HMCN1: variants seen among roughly 807,000 people sequenced by gnomAD.
The protein encoded by HMCN1 is hemicentin 1, also known as hemicentin-1.
Under a neutral mutation model 625.9 loss-of-function variants are expected in HMCN1, and 321 were observed. The ratio of observed to expected loss-of-function variants is 0.51; its 90% CI spans 0.47 to 0.56. The LOEUF (loss-of-function observed/expected upper bound fraction) is 0.56, where lower values mean the gene tolerates loss of function less well. HMCN1 is among the 20% of genes least tolerant of loss of function. The pLI, the probability that HMCN1 is intolerant of heterozygous loss-of-function variation, is 0.00. For missense variants in HMCN1, 6,588 were observed against 6,887.3 expected, an observed-to-expected ratio of 0.96 and a Z score of 1.54; for synonymous variants, 2,425 against 2,417.6, an observed-to-expected ratio of 1.00 and a Z score of -0.09.
At chr1:185,792,835 C>A (rs1329872378) in intron 1 of HMCN1, among the ~76,000 whole-genome samples, 2 of 152,112 alleles carry the variant, frequency 1.3e-5, no homozygotes, top group African/African-American at 2.4e-5. Flanking sequence ...TGTGTTACAG[C>A]AAACTATACC....
intron 40 of HMCN1, among the ~76,000 whole-genome samples, chr1:186,044,596 A>G (rs181618040): frequency 1.1e-3 from 165 of 152,218 alleles, no homozygotes; most frequent in African/African-American, 3.9e-3. Flanking sequence ...TATTTTTACC[A>G]CAAAAATCTT....
chr1:186,189,065 C>A (rs956271027), intron 106 of HMCN1, among the ~76,000 whole-genome samples: 1 of 152,134 alleles, frequency 6.6e-6, no homozygotes, highest in East Asian at 1.9e-4. Flanking sequence ...CCTAATTGAC[C>A]TTTTATTATT....
At chr1:186,057,427 A>G in intron 46 of HMCN1, 26 bp downstream of exon 46, 2 of 1,499,082 alleles carry the variant, frequency 1.3e-6, no homozygotes, top group Non-Finnish European at 1.9e-6. Flanking sequence ...GTAGCCTTAT[A>G]ATCTTGTTAG....
At chr1:185,959,078 A>G (rs1446323368) in intron 11 of HMCN1, among the ~76,000 whole-genome samples, 1 of 152,210 alleles carries the variant, frequency 6.6e-6, no homozygotes, top group East Asian at 1.9e-4. Context: ...ACACACAGAA[A>G]TTTGCCCAAG....
Position 185,734,905 on chromosome 1 carries a change from G to T in HMCN1, c.126G>T (p.Leu42Phe), listed in dbSNP as rs757621363. Residue 42 changes from leucine (L) to phenylalanine (F), a missense_variant, in exon 1 of 107, where the codon TTG (leucine) becomes TTT (phenylalanine). Physicochemically the swap from Leu to Phe is conservative, Grantham distance 22. Around this residue, in one of 3 missense-constraint regions of HMCN1, gnomAD observed 4,628 missense variants for 4,853.1 expected, o/e 0.95. Coordinates refer to ENST00000271588, the MANE Select transcript of HMCN1 (RefSeq NM_031935.3). ...AEEIPEGAST[L>F]AFVFDVTGSM... The stretch of plus-strand genomic sequence containing the variant: ...AAATTCCCGAGGGGGCCTCCACGTT[G>T]GCTTTTGTGTTTGATGTGACTGGTT... 4.5e-5 allele frequency: 72 copies of T among 1,614,086 alleles called. No homozygotes were observed. Among genetic ancestry groups the T allele is most frequent in the Non-Finnish European group, 5.9e-5 (70 of 1,180,038 alleles).
chr1:185,815,029 G>A lies in HMCN1; in HGVS notation c.269-30997G>A, dbSNP rs192222065. On this transcript the variant is annotated intron_variant, in intron 1 of 106. Coordinates refer to ENST00000271588, the MANE Select transcript of HMCN1 (RefSeq NM_031935.3). ...ATAATTTAGGGGTTATAGAGGGTAA[G>A]AAAAATCAGTGTTCTTTGGTAAAAA... 1.5e-4 allele frequency among the ~76,000 whole-genome samples: 22 copies of A among 150,270 alleles called. 1 individual carries two copies. Among genetic ancestry groups the A allele is most frequent in the African/African-American group, 5.5e-4 (22 of 39,718 alleles).
chr1:185,900,377 A>G (rs2102431383), intron 4 of HMCN1, among the ~76,000 whole-genome samples: 1 of 152,168 alleles, frequency 6.6e-6, no homozygotes, highest in African/African-American at 2.4e-5. Context: ...AGTAAAATCC[A>G]GGTTGTCATA....
At chr1:186,178,797 T>G in intron 104 of HMCN1, 31 bp downstream of exon 104, 1 of 1,414,806 alleles carries the variant, frequency 7.1e-7, no homozygotes, top group Non-Finnish European at 1.0e-6. Context: ...ATTTCCTTTC[T>G]GTGGGCTCTC....
At chr1:186,186,842 G>A (rs569579729) in intron 105 of HMCN1, among the ~76,000 whole-genome samples, 3 of 152,172 alleles carry the variant, frequency 2.0e-5, no homozygotes, top group African/African-American at 7.2e-5. Context: ...TATCACCAGG[G>A]GAACGAGGAT....
intron 52 of HMCN1, among the ~76,000 whole-genome samples, chr1:186,073,765 ATGGAT>A (rs1404152485): frequency 1.3e-5 from 2 of 151,910 alleles, no homozygotes; most frequent in Non-Finnish European, 2.9e-5. Flanking sequence ...TGCAAGGTCA[ATGGAT>A]TGTGGGGCTC....
chr1:185,735,937 A>C (rs755883797), intron 1 of HMCN1, among the ~76,000 whole-genome samples: 3 of 152,180 alleles, frequency 2.0e-5, no homozygotes, highest in South Asian at 2.1e-4. Context: ...CAGTTGAAGA[A>C]ATGAAGCAGT....
intron 46 of HMCN1, 59 bp from the exon 47 acceptor site, chr1:186,061,792 G>T: frequency 8.6e-7 from 1 of 1,167,754 alleles, no homozygotes; most frequent in Non-Finnish European, 1.3e-6. Context: ...CACTTGGATG[G>T]CTTATAAAGT....
At chr1:185,799,467 G>A (rs1032199589) in intron 1 of HMCN1, among the ~76,000 whole-genome samples, 1 of 152,198 alleles carries the variant, frequency 6.6e-6, no homozygotes, top group Admixed American at 6.5e-5. Flanking sequence ...CTTGTCCTCA[G>A]ATCTCCCAAT....
Position 186,145,738 on chromosome 1 carries a change from C to T in HMCN1, c.14438-15C>T. The T allele has an allele frequency of 6.2e-7, 1 of 1,614,102 alleles. No homozygotes were observed. Reference sequence around the variant, plus strand: ...GCCAATTTCTTAACAGTGACCATTCCATTCTTGTTCACAGTGGATGGAAGT... The same window carrying T: ...GCCAATTTCTTAACAGTGACCATTCTATTCTTGTTCACAGTGGATGGAAGT... On this transcript the variant is annotated splice_polypyrimidine_tract_variant and intron_variant, in intron 92 of 106. Transcript: ENST00000271588.
intron 106 of HMCN1, among the ~76,000 whole-genome samples, chr1:186,189,019 C>T (rs1653539226): frequency 6.6e-6 from 1 of 152,088 alleles, no homozygotes; most frequent in Admixed American, 6.6e-5. Context: ...ATGTGAACGA[C>T]AATTACAAAA....
chr1:185,863,299 T>C (rs779378914), intron 2 of HMCN1, among the ~76,000 whole-genome samples: 1 of 152,212 alleles, frequency 6.6e-6, no homozygotes, highest in Non-Finnish European at 1.5e-5. Context: ...TATTTTAGCT[T>C]ATTTGTTGTT....
intron 51 of HMCN1, 134 bp downstream of exon 51, chr1:186,069,910 G>A (rs1658380252): frequency 1.4e-6 from 1 of 700,334 alleles, no homozygotes; most frequent in Non-Finnish European, 2.6e-6. Context: ...ACTTTATTAA[G>A]GATGGAAGTT....
chr1:186,159,736 A>G (rs963177519), intron 97 of HMCN1, among the ~76,000 whole-genome samples: 1 of 152,152 alleles, frequency 6.6e-6, no homozygotes, highest in African/African-American at 2.4e-5. Context: ...TGATTTGCGT[A>G]TATTGAACCA....
intron 1 of HMCN1, among the ~76,000 whole-genome samples, chr1:185,743,553 G>A (rs746950547): frequency 6.6e-6 from 1 of 152,194 alleles, no homozygotes; most frequent in African/African-American, 2.4e-5. Flanking sequence ...TTGGCTGAAG[G>A]GGTGTTAGAA....
Sources: gnomAD v4.1 joint callset for allele counts (sites outside exome capture counted in the v4.1 genomes callset) on GRCh38, gnomAD v4.1.1 for gene constraint, gnomAD v4.1.1 regional missense constraint, MANE v1.5 for transcripts, NCBI Gene and HGNC (gene_info 2026-07-23, HGNC 2026-07-21) for gene names.